The following NEGR1 variants were observed in gnomAD, a reference collection of about 807,000 sequenced individuals.
NEGR1 encodes the protein IgLON family member 4.
Under a neutral mutation model 40.9 loss-of-function variants are expected in NEGR1, and 10 were observed. That is an observed-to-expected ratio of 0.24 (90% CI 0.15 to 0.42). The LOEUF (loss-of-function observed/expected upper bound fraction) is 0.42. Among genes scored for constraint, NEGR1 ranks in the 10% least tolerant of loss-of-function variants. The pLI is 1.00. For missense variants in NEGR1, 352 were observed against 438.9 expected (o/e 0.80, Z 1.77); for synonymous variants, 185 against 166.8 (o/e 1.11, Z -0.84).
intron 1 of NEGR1, among the ~76,000 whole-genome samples, chr1:71,943,378 C>T (rs933571473): frequency 2.7e-5 from 4 of 150,226 alleles, no homozygotes; most frequent in Non-Finnish European, 5.9e-5. Context: ...ATTTTAAATG[C>T]CTGGGAAATC....
chr1:72,244,884 A>G (rs1654856214), intron 1 of NEGR1, among the ~76,000 whole-genome samples: 1 of 152,052 alleles, frequency 6.6e-6, no homozygotes, highest in Non-Finnish European at 1.5e-5. Flanking sequence ...GTTAAGATAC[A>G]TCAAAGCCTT....
At chr1:71,450,933 T>C (rs1459167159) in intron 6 of NEGR1, among the ~76,000 whole-genome samples, 1 of 151,574 alleles carries the variant, frequency 6.6e-6, no homozygotes, top group East Asian at 1.9e-4. Context: ...ATACACATTT[T>C]TAAAAAAAGT....
chr1:72,232,726 T>C (rs1654411221), intron 1 of NEGR1, among the ~76,000 whole-genome samples: 1 of 152,138 alleles, frequency 6.6e-6, no homozygotes, highest in South Asian at 2.1e-4. Context: ...TCTGTTGCCT[T>C]GGGCAGAGGA....
At chr1:72,250,203 T>C (rs911755724) in intron 1 of NEGR1, among the ~76,000 whole-genome samples, 1 of 152,114 alleles carries the variant, frequency 6.6e-6, no homozygotes, top group Non-Finnish European at 1.5e-5. Flanking sequence ...CCTGAGTCTC[T>C]AGTCCCACAG....
chr1:71,872,538 T>A (rs1182324063), intron 2 of NEGR1, among the ~76,000 whole-genome samples: 1 of 152,178 alleles, frequency 6.6e-6, no homozygotes, highest in Non-Finnish European at 1.5e-5. Flanking sequence ...CAGCAAAGCA[T>A]AATGTGGCTT....
chr1:71,710,017 A>T (rs11209828), intron 3 of NEGR1, among the ~76,000 whole-genome samples: 51,566 of 152,068 alleles, frequency 0.34, 9,525 homozygotes, highest in East Asian at 0.61. Context: ...ACCAGAATAT[A>T]TAAGGAGTTC....
chr1:71,613,092 G>A (rs1348984541), intron 4 of NEGR1, among the ~76,000 whole-genome samples: 1 of 152,136 alleles, frequency 6.6e-6, no homozygotes, highest in Non-Finnish European at 1.5e-5. Flanking sequence ...AAAGACCATA[G>A]TGAGGCTAGG....
At chr1:71,719,612 A>G (rs1654430596) in intron 3 of NEGR1, among the ~76,000 whole-genome samples, 1 of 150,504 alleles carries the variant, frequency 6.6e-6, no homozygotes, top group African/African-American at 2.5e-5. Context: ...CAGACTAGAC[A>G]GGAGCCAGTG....
chr1:72,142,340 C>A (rs1188343620), intron 1 of NEGR1, among the ~76,000 whole-genome samples: 1 of 151,940 alleles, frequency 6.6e-6, no homozygotes, highest in East Asian at 1.9e-4. Context: ...TGAGATTGAT[C>A]TTTCACATAA....
In NEGR1 at chr1:71,586,981, AG is replaced by A. The variant is rs369367635; in HGVS notation, c.940+5835del. On this transcript the variant is annotated intron_variant, in intron 6 of 6. Transcript: ENST00000357731. ...CATCTCAAAGCTGCGAGGATAAAGC[AG>A]GTTGTCTCACACAGCACTCTGTCTT... Among the ~76,000 whole-genome samples, 459 of 152,250 alleles carry A rather than the reference AG, an allele frequency of 3.0e-3. 2 individuals carry two copies. Among genetic ancestry groups the A allele is most frequent in the African/African-American group, 0.01 (436 of 41,556 alleles).
chr1:71,678,902 G>A (rs1257080871), intron 4 of NEGR1, among the ~76,000 whole-genome samples: 2 of 152,092 alleles, frequency 1.3e-5, no homozygotes, highest in African/African-American at 4.8e-5. Flanking sequence ...GCAAACAGAG[G>A]CGGCATCAAG....
At chr1:71,950,004 C>G (rs1482758017) in intron 1 of NEGR1, among the ~76,000 whole-genome samples, 1 of 151,894 alleles carries the variant, frequency 6.6e-6, no homozygotes, top group Non-Finnish European at 1.5e-5. Flanking sequence ...TAAAGAAAAT[C>G]TACATAAGTT....
At chr1:71,945,158 T>C (rs1303689351) in intron 1 of NEGR1, among the ~76,000 whole-genome samples, 3 of 152,180 alleles carry the variant, frequency 2.0e-5, no homozygotes, top group Non-Finnish European at 4.4e-5. Context: ...ATGTCATCTT[T>C]CTTGTGTACT....
chr1:71,452,801 GAAAC>G (rs1469221747), intron 6 of NEGR1, among the ~76,000 whole-genome samples: 1 of 44,254 alleles, frequency 2.3e-5, no homozygotes, highest in Admixed American at 4.0e-4. Flanking sequence ...TGCAAACAAA[GAAAC>G]AAAAAAAAAC....
intron 6 of NEGR1, among the ~76,000 whole-genome samples, chr1:71,550,720 A>C (rs72940326): frequency 0.046 from 7,036 of 151,694 alleles, 555 homozygotes; most frequent in African/African-American, 0.16. Flanking sequence ...TAAATCACTT[A>C]GTAGGATAAA....
At chr1:72,041,713 T>C (rs1170216961) in intron 1 of NEGR1, among the ~76,000 whole-genome samples, 1 of 149,098 alleles carries the variant, frequency 6.7e-6, no homozygotes, top group Non-Finnish European at 1.5e-5. Flanking sequence ...AAAGACTAGA[T>C]GGATATATAT....
intron 6 of NEGR1, among the ~76,000 whole-genome samples, chr1:71,437,078 G>A (rs1381515843): frequency 6.6e-6 from 1 of 151,628 alleles, no homozygotes; most frequent in Non-Finnish European, 1.5e-5. Flanking sequence ...AACACTATAG[G>A]CACATAACAC....
intron 1 of NEGR1, among the ~76,000 whole-genome samples, chr1:72,193,127 T>G (rs755268706): frequency 6.6e-6 from 1 of 151,748 alleles, no homozygotes; most frequent in Non-Finnish European, 1.5e-5. Flanking sequence ...CATAAGACAA[T>G]AGAAAAATCA....
At chr1:71,967,517 A>G (rs1360707603) in intron 1 of NEGR1, among the ~76,000 whole-genome samples, 1 of 152,190 alleles carries the variant, frequency 6.6e-6, no homozygotes, top group African/African-American at 2.4e-5. Context: ...ATATGAACAC[A>G]TTGAGTAACT....
Sources: gnomAD v4.1 joint callset for allele counts (sites outside exome capture counted in the v4.1 genomes callset) on GRCh38, gnomAD v4.1.1 for gene constraint, MANE v1.5 for transcripts, NCBI Gene and HGNC (gene_info 2026-07-23, HGNC 2026-07-21) for gene names.